Variants in ST6GALNAC3 observed in about 807,000 individuals in gnomAD.
ST6GALNAC3 encodes ST6 N-acetylgalactosaminide alpha-2,6-sialyltransferase 3.
A neutral mutation model predicts 32.7 loss-of-function variants in ST6GALNAC3; 25 were observed. The ratio of observed to expected loss-of-function variants is 0.76; its 90% CI spans 0.56 to 1.07. ST6GALNAC3 has a LOEUF of 1.07. Ranked by LOEUF, ST6GALNAC3 falls within the 50% of genes least tolerant of loss-of-function variation. The pLI is 0.00. For synonymous variants in ST6GALNAC3, 129 were observed against 133.1 expected, an observed-to-expected ratio of 0.97 and a Z score of 0.21; for missense variants, 355 against 382.4, an observed-to-expected ratio of 0.93 and a Z score of 0.60.
chr1:76,188,653 G>A (rs569440854), intron 1 of ST6GALNAC3, among the ~76,000 whole-genome samples: 2 of 152,220 alleles, frequency 1.3e-5, no homozygotes, highest in South Asian at 4.1e-4. Context: ...AACTATAATA[G>A]ACTACTACTG....
At chr1:76,420,126 T>C (rs1384823263) in intron 3 of ST6GALNAC3, among the ~76,000 whole-genome samples, 1 of 152,034 alleles carries the variant, frequency 6.6e-6, no homozygotes, top group Non-Finnish European at 1.5e-5. Flanking sequence ...TTTCAAACTT[T>C]AATGTACATC....
intron 1 of ST6GALNAC3, among the ~76,000 whole-genome samples, chr1:76,191,312 T>C (rs952475288): frequency 2.6e-5 from 4 of 151,484 alleles, no homozygotes; most frequent in African/African-American, 9.7e-5. Flanking sequence ...AAAAAAAGAA[T>C]TGATATCATA....
intron 3 of ST6GALNAC3, among the ~76,000 whole-genome samples, chr1:76,584,323 G>T (rs1341160844): frequency 6.6e-6 from 1 of 152,144 alleles, no homozygotes; most frequent in East Asian, 1.9e-4. Flanking sequence ...AACAGTGCTT[G>T]CTTGGTTCAG....
At chr1:76,547,486 A>C (rs2100336519) in intron 3 of ST6GALNAC3, among the ~76,000 whole-genome samples, 1 of 152,330 alleles carries the variant, frequency 6.6e-6, no homozygotes, top group East Asian at 1.9e-4. Context: ...CAAAGGGAAC[A>C]AGCAAAATGC....
At chr1:76,192,761 G>A (rs1653975968) in intron 1 of ST6GALNAC3, among the ~76,000 whole-genome samples, 1 of 152,160 alleles carries the variant, frequency 6.6e-6, no homozygotes, top group African/African-American at 2.4e-5. Flanking sequence ...TCATGCCACA[G>A]TGAGACTGGA....
At chr1:76,098,539 T>G (rs1647171469) in intron 1 of ST6GALNAC3, among the ~76,000 whole-genome samples, 2 of 152,308 alleles carry the variant, frequency 1.3e-5, no homozygotes, top group South Asian at 4.1e-4. Flanking sequence ...GTTGAACACC[T>G]TTTAGATATT....
intron 3 of ST6GALNAC3, among the ~76,000 whole-genome samples, chr1:76,567,306 T>G (rs1665611430): frequency 6.6e-6 from 1 of 152,144 alleles, no homozygotes; most frequent in South Asian, 2.1e-4. Context: ...GCTCTGAAAT[T>G]ATGCATATTC....
At chr1:76,540,846 A>G (rs1009862114) in intron 3 of ST6GALNAC3, among the ~76,000 whole-genome samples, 2 of 152,316 alleles carry the variant, frequency 1.3e-5, no homozygotes, top group East Asian at 3.9e-4. Flanking sequence ...GCACTTGAAC[A>G]TTTATGGAGA....
At chr1:76,432,696 A>G (rs1049631601) in intron 3 of ST6GALNAC3, among the ~76,000 whole-genome samples, 2 of 151,192 alleles carry the variant, frequency 1.3e-5, no homozygotes, top group Non-Finnish European at 2.9e-5. Flanking sequence ...GGCTTAAGTG[A>G]CCCTCCCACC....
chr1:76,521,666 G>A (rs986171379), intron 3 of ST6GALNAC3, among the ~76,000 whole-genome samples: 2 of 152,024 alleles, frequency 1.3e-5, no homozygotes, highest in Admixed American at 6.6e-5. Context: ...CTACCAAGAG[G>A]AATTGTTTTG....
At chr1:76,368,885 A>T (rs943542567) in intron 2 of ST6GALNAC3, among the ~76,000 whole-genome samples, 1 of 152,144 alleles carries the variant, frequency 6.6e-6, no homozygotes, top group Non-Finnish European at 1.5e-5. Context: ...CCATTTGGGC[A>T]GTCTGTGTCT....
chr1:76,106,300 T>G (rs541080495), intron 1 of ST6GALNAC3, among the ~76,000 whole-genome samples: 1 of 152,350 alleles, frequency 6.6e-6, no homozygotes, highest in East Asian at 1.9e-4. Context: ...AGGGCAGTCT[T>G]TCTTTGTTTC....
At chr1:76,526,365 T>C (rs1319968592) in intron 3 of ST6GALNAC3, among the ~76,000 whole-genome samples, 1 of 152,080 alleles carries the variant, frequency 6.6e-6, no homozygotes, top group African/African-American at 2.4e-5. Context: ...CTTCAAGTTG[T>C]TTCATGCCCA....
At chr1:76,287,127 A>C (rs1041315916) in intron 1 of ST6GALNAC3, among the ~76,000 whole-genome samples, 1 of 152,232 alleles carries the variant, frequency 6.6e-6, no homozygotes, top group Admixed American at 6.5e-5. Flanking sequence ...TCAAGGTTGG[A>C]TAAGCAGTAG....
At chr1:76,126,452 C>CTTTGT (rs1263628577) in intron 1 of ST6GALNAC3, among the ~76,000 whole-genome samples, 1 of 137,780 alleles carries the variant, frequency 7.3e-6, no homozygotes, top group Non-Finnish European at 1.6e-5. Flanking sequence ...TCCTTCCTTC[C>CTTTGT]TCTCTCTCTG....
Position 76,167,875 on chromosome 1 carries a change from C to A in ST6GALNAC3, c.18+92991C>A, listed in dbSNP as rs1412682115. On this transcript the variant is annotated intron_variant, in intron 1 of 4. Transcript: ENST00000328299. The stretch of plus-strand genomic sequence containing the variant: ...GATTGTGTTTATTGGAATCTTCTCT[C>A]TTTTCTTCTTTATTAGTTTAGCTAG... Among the ~76,000 whole-genome samples the A allele has an allele frequency of 2.6e-5, 4 of 152,122 alleles. No homozygotes were observed. In the East Asian group the frequency reaches 7.7e-4, roughly 29 times the overall value.
intron 3 of ST6GALNAC3, among the ~76,000 whole-genome samples, chr1:76,453,196 G>A (rs1259662569): frequency 2.6e-5 from 4 of 151,874 alleles, no homozygotes. Context: ...CTTGCTAGTG[G>A]TCTATCAATT....
At chr1:76,528,966 A>C (rs2101815221) in intron 3 of ST6GALNAC3, among the ~76,000 whole-genome samples, 1 of 151,466 alleles carries the variant, frequency 6.6e-6, no homozygotes, top group East Asian at 1.9e-4. Flanking sequence ...TTGGAATATA[A>C]GTATGCCAAT....
At chr1:76,075,361 C>T (rs948386985) in intron 1 of ST6GALNAC3, among the ~76,000 whole-genome samples, 2 of 150,438 alleles carry the variant, frequency 1.3e-5, no homozygotes, top group African/African-American at 5.0e-5. Flanking sequence ...ACAGAAACTT[C>T]TGAGTTTACA....
Sources: gnomAD v4.1 joint callset for allele counts (sites outside exome capture counted in the v4.1 genomes callset) on GRCh38, gnomAD v4.1.1 for gene constraint, MANE v1.5 for transcripts, NCBI Gene and HGNC (gene_info 2026-07-23, HGNC 2026-07-21) for gene names.